Variants in WDR93 observed in about 807,000 individuals in gnomAD.
WDR93 encodes WD repeat-containing protein 93.
WDR93 carries 73 observed loss-of-function variants against 82.9 expected under a neutral mutation model. The ratio of observed to expected loss-of-function variants is 0.88; its 90% CI spans 0.73 to 1.07. The LOEUF is 1.07. Ranked by LOEUF, WDR93 falls within the 50% of genes least tolerant of loss-of-function variation. The probability of loss-of-function intolerance (pLI) is 0.00; values close to 1 mark genes in which losing one functional copy is unlikely to be tolerated. For synonymous variants in WDR93, 283 were observed against 300.1 expected (o/e 0.94, Z 0.59); for missense variants, 738 against 826.0 (o/e 0.89, Z 1.31).
intron 4 of WDR93, 70 bp from the exon 5 acceptor site, chr15:89,711,956 C>A: frequency 7.8e-7 from 1 of 1,288,710 alleles, no homozygotes; most frequent in Non-Finnish European, 1.1e-6. Flanking sequence ...GTGCAGACCA[C>A]AGAAGGTCCT....
intron 15 of WDR93, 101 bp downstream of exon 15, chr15:89,737,830 C>T: frequency 6.6e-7 from 1 of 1,520,048 alleles, no homozygotes; most frequent in Non-Finnish European, 8.9e-7. Context: ...ACTCTGTGTC[C>T]CCCTCTACCA....
At chr15:89,697,729 A>G (rs916075232) in intron 1 of WDR93, among the ~76,000 whole-genome samples, 1 of 152,162 alleles carries the variant, frequency 6.6e-6, no homozygotes, top group Non-Finnish European at 1.5e-5. Flanking sequence ...TATTGAGAAG[A>G]GGGTATTGAA....
At chr15:89,724,771 C>T (rs536555737) in intron 8 of WDR93, among the ~76,000 whole-genome samples, 1 of 152,324 alleles carries the variant, frequency 6.6e-6, no homozygotes, top group East Asian at 1.9e-4. Flanking sequence ...TAGCGTAACA[C>T]ATTCACTAGG....
intron 3 of WDR93, 81 bp from the exon 4 acceptor site, chr15:89,705,473 C>G: frequency 1.1e-6 from 1 of 873,160 alleles, no homozygotes; most frequent in Non-Finnish European, 1.9e-6. Context: ...ATGGTAAGTT[C>G]ACAAAGTCCA....
In WDR93 at chr15:89,709,687, A is replaced by G. The variant is rs572408093; in HGVS notation, c.562-2339A>G. On this transcript the variant is annotated intron_variant, in intron 4 of 16. Transcript: ENST00000268130. ...GACTGGTCTTGAACTCCTGGACCCA[A>G]GCAGTCTTCCCACCTTGGCCTCCCA... 5.3e-5 allele frequency among the ~76,000 whole-genome samples: 8 copies of G among 152,214 alleles called. No individual in the cohort carries two copies. In the South Asian group the frequency reaches 1.7e-3, roughly 32 times the overall value.
upstream of WDR93, chr15:89,690,698 TC>T: frequency 8.4e-7 from 1 of 1,197,456 alleles, no homozygotes; most frequent in Non-Finnish European, 1.2e-6. Flanking sequence ...GCCCGTCGGA[TC>T]CCCAGGGAAC....
At chr15:89,739,341 A>G (rs1400347721) in intron 16 of WDR93, among the ~76,000 whole-genome samples, 2 of 152,142 alleles carry the variant, frequency 1.3e-5, no homozygotes, top group Admixed American at 6.5e-5. Context: ...AGTCTAAATT[A>G]TTTACATTCT....
At position 89,723,538 on chromosome 15, in the gene WDR93, A is replaced by G. The variant is rs80251890; in HGVS notation, c.880+1399A>G. ...TGTGGTGGTCAGACTTGCTCTATCA[A>G]TATTTATTATAAAGCTGCAGTTATT... On this transcript the variant is annotated intron_variant, in intron 8 of 16. Transcript: ENST00000268130. Among the ~76,000 whole-genome samples the G allele has an allele frequency of 4.0e-3, 615 of 152,360 alleles. 2 individuals carry two copies. The highest frequency in any genetic ancestry group is 0.014 in the African/African-American group (571 of 41,586).
intron 7 of WDR93, among the ~76,000 whole-genome samples, 175 bp from the exon 8 acceptor site, chr15:89,721,880 G>C (rs535894666): frequency 6.6e-6 from 1 of 152,240 alleles, no homozygotes; most frequent in South Asian, 2.1e-4. Context: ...TTATATGTTT[G>C]GGTTTAAATC....
chr15:89,733,993 A>ATGTGTGTG (rs527967695), intron 13 of WDR93, among the ~76,000 whole-genome samples: 1 of 149,206 alleles, frequency 6.7e-6, no homozygotes, highest in Non-Finnish European at 1.5e-5. Flanking sequence ...AACCTGTATA[A>ATGTGTGTG]TGTGTGTGTG....
rs183966570 is a variant in WDR93 at position 89,697,448 on chromosome 15, C to T, written c.-40-4259C>T. Among the ~76,000 whole-genome samples the T allele has an allele frequency of 3.2e-3, 491 of 152,222 alleles. 2 individuals are homozygous for T. The highest frequency in any genetic ancestry group is 6.8e-3 in the Middle Eastern group (2 of 294). ...TGAGGTCTTGTATACATTGAACCAT[C>T]GAAATTTCTGTTATTGATTTCTAAA... On this transcript the variant is annotated intron_variant, in intron 1 of 16. Coordinates refer to ENST00000268130, the MANE Select transcript of WDR93 (RefSeq NM_020212.2).
rs754307217 is a variant in WDR93, at chr15:89,743,343, G to A, written c.2013G>A (p.Arg671=). The part of the protein sequence containing the change: ...NPEKEEEHWA[R]LQRYSLSLQR... ...AGAAGGAGGAGGAGCACTGGGCCCG[G>A]CTTCAGAGGTACTCCTTGTCGCTCC... The change falls in exon 17 of 17, where the codon CGG becomes CGA. Residue 671 remains arginine, a synonymous_variant. Coordinates refer to ENST00000268130, the MANE Select transcript of WDR93 (RefSeq NM_020212.2). The A allele has an allele frequency of 2.0e-5, 32 of 1,614,196 alleles. No homozygotes were observed. The highest frequency in any genetic ancestry group is 2.6e-5 in the Non-Finnish European group (31 of 1,180,036).
intron 1 of WDR93, among the ~76,000 whole-genome samples, chr15:89,700,383 A>G (rs983765694): frequency 4.3e-4 from 65 of 152,110 alleles, no homozygotes; most frequent in African/African-American, 1.5e-3. Flanking sequence ...GTAAAAAAAG[A>G]TGACAGTGGC....
intron 7 of WDR93, among the ~76,000 whole-genome samples, chr15:89,721,715 C>T (rs533239708): frequency 2.0e-5 from 3 of 152,326 alleles, no homozygotes; most frequent in Admixed American, 6.5e-5. Context: ...ACCTCAAACT[C>T]CTGGCCTCAA....
chr15:89,694,966 T>C (rs28883317), intron 1 of WDR93, among the ~76,000 whole-genome samples: 67,601 of 152,064 alleles, frequency 0.44, 15,558 homozygotes, highest in African/African-American at 0.52. Flanking sequence ...TCTTTGTGCT[T>C]GTGTCAAAAA....
chr15:89,727,329 G>C lies in WDR93; in HGVS notation c.1052+1G>C, dbSNP rs758317150. 6.2e-7 allele frequency: 1 copy of C among 1,613,498 alleles called. No individual in the cohort carries two copies. The highest frequency in any genetic ancestry group is 2.2e-5 in the East Asian group (1 of 44,876). On this transcript the variant is annotated splice_donor_variant, in intron 9 of 16. Coordinates refer to ENST00000268130, the MANE Select transcript of WDR93 (RefSeq NM_020212.2). LOFTEE classifies it high-confidence loss of function. Reference sequence around the variant, plus strand: ...GGGAGTGGGAGGAAGAGCCACTCAGGTGAGCCTCCTAATCCCGGGAAAGCC... The same window carrying C: ...GGGAGTGGGAGGAAGAGCCACTCAGCTGAGCCTCCTAATCCCGGGAAAGCC...
At position 89,733,207 on chromosome 15, in the gene WDR93, T is replaced by G. The variant is rs1288685856; in HGVS notation, c.1532T>G (p.Val511Gly). 6 of 1,613,772 alleles carry G rather than the reference T, an allele frequency of 3.7e-6. No individual in the cohort carries two copies. Among genetic ancestry groups the G allele is most frequent in the Non-Finnish European group, 5.1e-6 (6 of 1,179,752 alleles). The change falls in exon 13 of 17, where the codon GTG (valine) becomes GGG (glycine). Residue 511 changes from valine (V) to glycine (G), a missense_variant. Physicochemically the swap from Val to Gly is moderately radical, Grantham distance 109. Transcript: ENST00000268130. Reference protein sequence around the residue: ...ASGTQGPTISVLVERPVKHLD... With the variant: ...ASGTQGPTISGLVERPVKHLD... ...GGGACCCAAGGACCCACCATCAGTG[T>G]GCTTGTTGAGAGGTCAGTAGCTTGA...
At chr15:89,690,586 C>T, upstream of WDR93, 1 of 1,551,222 alleles carries the variant, frequency 6.4e-7, no homozygotes, top group Non-Finnish European at 8.7e-7. Context: ...CCTGAAGAGT[C>T]GGTCCCGGCC....
At position 89,722,293 on chromosome 15, in the gene WDR93, G is replaced by A. The variant is rs76759077; in HGVS notation, c.880+154G>A. 4.1e-4 allele frequency among the ~76,000 whole-genome samples: 63 copies of A among 152,190 alleles called. 1 individual carries two copies. In the East Asian group the frequency reaches 8.9e-3, roughly 21 times the overall value. ...TTTTTTTTAAACCCATAAGCTCTGAGACATTAAAACAAAAAATGTAAGTAA... is the reference window on the plus strand; with the variant it reads ...TTTTTTTTAAACCCATAAGCTCTGAAACATTAAAACAAAAAATGTAAGTAA... On this transcript the variant is annotated intron_variant, in intron 8 of 16. Coordinates refer to ENST00000268130, the MANE Select transcript of WDR93 (RefSeq NM_020212.2).
Sources: allele counts gnomAD v4.1 joint callset (sites outside exome capture counted in the v4.1 genomes callset), GRCh38; gene constraint gnomAD v4.1.1; transcripts MANE v1.5; gene names NCBI Gene and HGNC (gene_info 2026-07-23, HGNC 2026-07-21).